Variants in MMP2 observed in about 807,000 individuals in gnomAD.
MMP2 encodes 72 kDa type IV collagenase.
In MMP2, 39 loss-of-function variants were observed where a neutral mutation model predicts 74.8. That is an observed-to-expected ratio of 0.52 (90% confidence interval 0.40 to 0.68). The LOEUF (loss-of-function observed/expected upper bound fraction) is 0.68, where lower values mean the gene tolerates loss of function less well. MMP2 is among the 30% of genes least tolerant of loss of function. The pLI is 0.00. For missense variants in MMP2, 803 were observed against 878.3 expected (o/e 0.91, Z 1.08); for synonymous variants, 367 against 339.8 (o/e 1.08, Z -0.88).
Position 55,496,926 on chromosome 16 carries a change from G to T in MMP2, c.1473G>T (p.Arg491=). The T allele has an allele frequency of 6.2e-7, 1 of 1,613,936 alleles. No homozygotes were observed. The highest frequency in any genetic ancestry group is 8.5e-7 in the Non-Finnish European group (1 of 1,180,030). The change falls in exon 10 of 13, where the codon CGG becomes CGT. Residue 491 remains arginine (R), a splice_region_variant and synonymous_variant. Transcript: ENST00000219070. ...IRGEIFFFKD[R]FIWRTVTPRD... ...CCTGTGCCCCCTTGCCTCCTGCCAGGTTCATTTGGCGGACTGTGACGCCAC... is the reference window on the plus strand; with the variant it reads ...CCTGTGCCCCCTTGCCTCCTGCCAGTTTCATTTGGCGGACTGTGACGCCAC...
intron 11 of MMP2, among the ~76,000 whole-genome samples, chr16:55,501,469 T>C (rs1962664392): frequency 1.3e-5 from 2 of 152,212 alleles, no homozygotes; most frequent in African/African-American, 2.4e-5. Flanking sequence ...CTCCAAACTA[T>C]CCTAACGCTA....
intron 9 of MMP2, among the ~76,000 whole-genome samples, chr16:55,494,725 A>G (rs1297514150): frequency 3.3e-5 from 5 of 152,262 alleles, no homozygotes; most frequent in African/African-American, 1.2e-4. Context: ...TCACAAGTCC[A>G]GTTTGAGAAA....
rs528402680 is a variant in MMP2, at chr16:55,505,550, A to T, written c.*108A>T. The stretch of plus-strand genomic sequence containing the variant: ...GCCTGGCAGCCGTGCCTTCAGCTCT[A>T]CAGCTAATCAGCATTCTCACTCCTA... On this transcript the variant is annotated 3_prime_UTR_variant, in exon 13 of 13. Coordinates refer to ENST00000219070, the MANE Select transcript of MMP2 (RefSeq NM_004530.6). 11 of 883,980 alleles carry T rather than the reference A, an allele frequency of 1.2e-5. No individual in the cohort carries two copies. In the East Asian group the frequency reaches 1.5e-4, roughly 12 times the overall value. 54.8% of individuals were successfully genotyped at this position (883,980 alleles called of 1,614,324 possible). A position where few individuals can be genotyped will look rare whatever the true frequency, so the allele number is the denominator to read the frequency against.
chr16:55,495,187 C>T (rs1344529922), intron 9 of MMP2, among the ~76,000 whole-genome samples: 3 of 152,208 alleles, frequency 2.0e-5, no homozygotes, highest in Admixed American at 6.5e-5. Flanking sequence ...TATATAACAG[C>T]AGATGTCAGC....
At position 55,505,870 on chromosome 16, in the gene MMP2, G is replaced by T; in HGVS notation, c.*428G>T. 4.3e-6 allele frequency: 1 copy of T among 230,262 alleles called. No homozygotes were observed. The highest frequency in any genetic ancestry group is 8.7e-6 in the Non-Finnish European group (1 of 114,626). 14.3% of individuals were successfully genotyped at this position (230,262 alleles called of 1,614,324 possible). On this transcript the variant is annotated 3_prime_UTR_variant, in exon 13 of 13. Transcript: ENST00000219070. ...AGCCTGGCACAGGGCAGTGGGACAG[G>T]GCATGGCCAGGTGGCCACTCCAGAC...
chr16:55,498,530 G>A, intron 11 of MMP2, 82 bp downstream of exon 11: 2 of 1,600,678 alleles, frequency 1.2e-6, no homozygotes, highest in Non-Finnish European at 1.7e-6. Context: ...AAGCCTCCTG[G>A]GCTGAGTTCA....
Position 55,491,869 on chromosome 16 carries a change from C to G in MMP2, c.1249C>G (p.Pro417Ala). ...CATGGGGCTGGAGCACTCCCAAGAC[C>G]CTGGGGCCCTGATGGCACCCATTTA... The part of the protein sequence containing the change: ...HAMGLEHSQD[P>A]GALMAPIYTY... The change falls in exon 8 of 13, where the codon CCT (proline) becomes GCT (alanine). Residue 417 changes from proline to alanine, a missense_variant. Physicochemically the swap from Pro to Ala is conservative, Grantham distance 27. Around this residue, in one of 3 missense-constraint regions of MMP2, gnomAD observed 555 missense variants for 592.0 expected, o/e 0.94. Transcript: ENST00000219070. The G allele has an allele frequency of 6.2e-7, 1 of 1,614,204 alleles. No individual in the cohort carries two copies. Among genetic ancestry groups the G allele is most frequent in the East Asian group, 2.2e-5 (1 of 44,860 alleles).
At chr16:55,502,746 C>G (rs371774019) in intron 11 of MMP2, 33 bp from the exon 12 acceptor site, 6 of 1,579,850 alleles carry the variant, frequency 3.8e-6, no homozygotes, top group Non-Finnish European at 5.2e-6. Flanking sequence ...TTTAGAGAGG[C>G]CCTGCTGGTT....
At chr16:55,486,219 G>C (rs1428309273) in intron 5 of MMP2, among the ~76,000 whole-genome samples, 1 of 152,112 alleles carries the variant, frequency 6.6e-6, no homozygotes, top group Non-Finnish European at 1.5e-5. Context: ...GTGATAGGGA[G>C]GCAGGACTCA....
At chr16:55,481,013 T>C (rs1401829659) in intron 1 of MMP2, among the ~76,000 whole-genome samples, 10 of 152,160 alleles carry the variant, frequency 6.6e-5, no homozygotes, top group Non-Finnish European at 1.2e-4. Context: ...AACCCCTAAA[T>C]TGGGGTTCAG....
chr16:55,489,644 C>T lies in MMP2; in HGVS notation c.1007-7C>T. The T allele has an allele frequency of 4.3e-6, 7 of 1,614,022 alleles. No individual in the cohort carries two copies. Among genetic ancestry groups the T allele is most frequent in the Non-Finnish European group, 5.9e-6 (7 of 1,180,022 alleles). On this transcript the variant is annotated splice_region_variant and splice_polypyrimidine_tract_variant and intron_variant, in intron 6 of 12. Coordinates refer to ENST00000219070, the MANE Select transcript of MMP2 (RefSeq NM_004530.6). ...CTGCGCCTTGACCCGTATCCCTAAC[C>T]CCACAGCCATGTCCACTGTTGGTGG...
intron 11 of MMP2, 46 bp downstream of exon 11, chr16:55,498,494 A>C (rs752177897): frequency 1.2e-6 from 2 of 1,613,454 alleles, no homozygotes; most frequent in Non-Finnish European, 1.7e-6. Context: ...TGGCTGCGAG[A>C]GACAGAGAAG....
chr16:55,485,232 TGGGGTGTGGA>T (rs17859886), intron 3 of MMP2, 57 bp from the exon 4 acceptor site: 50,162 of 1,602,476 alleles, frequency 0.031, 1,602 homozygotes, highest in East Asian at 0.11. Flanking sequence ...CACATGTAGA[TGGGGTGTGGA>T]GGGGTTTCAG....
chr16:55,479,497 C>T lies in MMP2; in HGVS notation c.18C>T (p.Ala6=), dbSNP rs904959190. The T allele has an allele frequency of 6.3e-7, 1 of 1,587,970 alleles. No individual in the cohort carries two copies. Among genetic ancestry groups the T allele is most frequent in the Non-Finnish European group, 8.6e-7 (1 of 1,167,698 alleles). The change falls in exon 1 of 13, where the codon GCC becomes GCT. Residue 6 remains alanine (A), a synonymous_variant. Coordinates refer to ENST00000219070, the MANE Select transcript of MMP2 (RefSeq NM_004530.6). ...GCGCTACGATGGAGGCGCTAATGGC[C>T]CGGGGCGCGCTCACGGGTCCCCTGA... MEALM[A]RGALTGPLRA...
chr16:55,505,228 C>A (rs753871490), intron 12 of MMP2, 111 bp from the exon 13 acceptor site: 2 of 938,678 alleles, frequency 2.1e-6, no homozygotes, highest in Non-Finnish European at 3.5e-6. Flanking sequence ...GCTCTCTTCT[C>A]GTTTAAAAGC....
rs745677721 is a variant in MMP2 at position 55,493,274 on chromosome 16, ATCT to A, written c.1462_1464del (p.Phe488del). ...TGGCATCGCTCAGATCCGTGGTGAGATCTTCTTCTTCAAGGACCGGTGAGTGCA... is the reference window on the plus strand; with the variant it reads ...TGGCATCGCTCAGATCCGTGGTGAGATCTTCTTCAAGGACCGGTGAGTGCA... On this transcript the variant is annotated inframe_deletion, in exon 9 of 13. Coordinates refer to ENST00000219070, the MANE Select transcript of MMP2 (RefSeq NM_004530.6). The A allele has an allele frequency of 3.1e-6, 5 of 1,613,858 alleles. No homozygotes were observed. The highest frequency in any genetic ancestry group is 3.4e-6 in the Non-Finnish European group (4 of 1,180,008).
rs1198471919 is a variant in MMP2 at position 55,479,511 on chromosome 16, C to T, written c.32C>T (p.Thr11Met). 6 of 1,599,052 alleles carry T rather than the reference C, an allele frequency of 3.8e-6. No homozygotes were observed. The highest frequency in any genetic ancestry group is 1.3e-5 in the African/African-American group (1 of 74,572). ...GCGCTAATGGCCCGGGGCGCGCTCA[C>T]GGGTCCCCTGAGGGCGCTCTGTCTC... The part of the protein sequence containing the change: MEALMARGAL[T>M]GPLRALCLLG... The change falls in exon 1 of 13, where the codon ACG (threonine) becomes ATG (methionine). Residue 11 changes from threonine (T) to methionine (M), a missense_variant. Thr to Met is a moderately conservative substitution (Grantham distance 81, BLOSUM62 -1). Around this residue, in one of 3 missense-constraint regions of MMP2, gnomAD observed 223 missense variants for 232.8 expected, o/e 0.96. Coordinates refer to ENST00000219070, the MANE Select transcript of MMP2 (RefSeq NM_004530.6).
chr16:55,491,244 G>A (rs1199550667), intron 7 of MMP2, among the ~76,000 whole-genome samples: 12 of 151,996 alleles, frequency 7.9e-5, no homozygotes, highest in Non-Finnish European at 1.3e-4. Flanking sequence ...CTTTTCTGGG[G>A]GGACGCATTT....
At chr16:55,483,867 C>A in intron 2 of MMP2, 149 bp from the exon 3 acceptor site, 2 of 805,244 alleles carry the variant, frequency 2.5e-6, no homozygotes, top group Non-Finnish European at 4.2e-6. Flanking sequence ...CATACCTGTG[C>A]ACCCTTCCCG....
Sources: allele counts gnomAD v4.1 joint callset (sites outside exome capture counted in the v4.1 genomes callset), GRCh38; gene constraint gnomAD v4.1.1; regional missense constraint gnomAD v4.1.1; transcripts MANE v1.5; gene names NCBI Gene and HGNC (gene_info 2026-07-23, HGNC 2026-07-21).